The following SGIP1 variants were observed in gnomAD, a reference collection of about 807,000 sequenced individuals.
SGIP1 encodes SH3-containing GRB2-like protein 3-interacting protein 1.
A neutral mutation model predicts 107.5 loss-of-function variants in SGIP1; 38 were observed. The observed-to-expected ratio is 0.35, with a 90% CI of 0.27 to 0.46. The LOEUF (loss-of-function observed/expected upper bound fraction) is 0.46. Ranked by LOEUF, SGIP1 falls within the 20% of genes least tolerant of loss-of-function variation. The pLI, the probability that SGIP1 is intolerant of heterozygous loss-of-function variation, is 1.00. For missense variants in SGIP1, 929 were observed against 1,019.5 expected (o/e 0.91, Z 1.21); for synonymous variants, 365 against 366.1 (o/e 1.00, Z 0.03).
intron 1 of SGIP1, among the ~76,000 whole-genome samples, chr1:66,585,268 A>T (rs1336564364): frequency 6.6e-6 from 1 of 152,118 alleles, no homozygotes. Context: ...TGTTTTTGAC[A>T]GTCCTCTATA....
intron 4 of SGIP1, among the ~76,000 whole-genome samples, chr1:66,636,245 G>A (rs923138282): frequency 3.3e-5 from 5 of 152,158 alleles, no homozygotes; most frequent in Non-Finnish European, 5.9e-5. Flanking sequence ...ACACATAAAA[G>A]ATGTGTGTTA....
At chr1:66,603,672 T>A (rs1291369823) in intron 1 of SGIP1, among the ~76,000 whole-genome samples, 1 of 152,144 alleles carries the variant, frequency 6.6e-6, no homozygotes, top group South Asian at 2.1e-4. Context: ...CTAATTTTTT[T>A]AAGCAAAATG....
intron 9 of SGIP1, 28 bp downstream of exon 9, chr1:66,667,569 A>G: frequency 6.2e-7 from 1 of 1,612,244 alleles, no homozygotes; most frequent in Non-Finnish European, 8.5e-7. Flanking sequence ...TTTTACCTTA[A>G]ACATGTATAG....
At chr1:66,660,904 T>C (rs2081335350) in intron 8 of SGIP1, among the ~76,000 whole-genome samples, 2 of 152,226 alleles carry the variant, frequency 1.3e-5, no homozygotes, top group Admixed American at 1.3e-4. Flanking sequence ...TTGATTAGCG[T>C]ACAACATAGT....
chr1:66,736,837 A>G (rs2094280293), intron 21 of SGIP1, among the ~76,000 whole-genome samples: 1 of 152,050 alleles, frequency 6.6e-6, no homozygotes, highest in Admixed American at 6.6e-5. Context: ...TTTGGAAAAC[A>G]TTTATTTAAA....
intron 1 of SGIP1, among the ~76,000 whole-genome samples, chr1:66,595,010 G>A (rs2064345810): frequency 1.3e-5 from 2 of 152,188 alleles, no homozygotes; most frequent in East Asian, 1.9e-4. Context: ...TCAGGAGATT[G>A]TAATGAAGGA....
intron 18 of SGIP1, among the ~76,000 whole-genome samples, chr1:66,710,127 T>C (rs961040691): frequency 6.6e-6 from 1 of 152,072 alleles, no homozygotes; most frequent in Non-Finnish European, 1.5e-5. Context: ...ATTCTAAACA[T>C]TTTTGAAAAG....
At chr1:66,569,266 A>G (rs1183040789) in intron 1 of SGIP1, among the ~76,000 whole-genome samples, 1 of 151,914 alleles carries the variant, frequency 6.6e-6, no homozygotes, top group Non-Finnish European at 1.5e-5. Flanking sequence ...CAATGTTGAA[A>G]GGGAGTAGTG....
intron 1 of SGIP1, among the ~76,000 whole-genome samples, chr1:66,575,916 G>C (rs566197113): frequency 6.6e-6 from 1 of 152,254 alleles, no homozygotes; most frequent in South Asian, 2.1e-4. Flanking sequence ...ACAGATCCAG[G>C]CTTCAGTAGC....
At chr1:66,711,878 G>A (rs1277442344) in intron 18 of SGIP1, among the ~76,000 whole-genome samples, 1 of 152,170 alleles carries the variant, frequency 6.6e-6, no homozygotes, top group East Asian at 1.9e-4. Flanking sequence ...CATTAGTGGT[G>A]CAGATCCTTC....
At chr1:66,585,266 A>G (rs1328494494) in intron 1 of SGIP1, among the ~76,000 whole-genome samples, 1 of 152,052 alleles carries the variant, frequency 6.6e-6, no homozygotes, top group Non-Finnish European at 1.5e-5. Flanking sequence ...ATTGTTTTTG[A>G]CAGTCCTCTA....
At chr1:66,552,768 C>A (rs1461023807) in intron 1 of SGIP1, among the ~76,000 whole-genome samples, 2 of 152,040 alleles carry the variant, frequency 1.3e-5, no homozygotes, top group Admixed American at 6.6e-5. Flanking sequence ...AATAATTGCT[C>A]GCCTAATTAA....
At chr1:66,669,007 G>GT (rs1397965880) in intron 9 of SGIP1, among the ~76,000 whole-genome samples, 1 of 152,200 alleles carries the variant, frequency 6.6e-6, no homozygotes, top group Non-Finnish European at 1.5e-5. Flanking sequence ...TCAGAGATCT[G>GT]TATGCCCATC....
rs546104408 is a variant in SGIP1 at position 66,744,382 on chromosome 1, G to A, written c.*1287G>A. ...AACTGTAATTATTCAATCTGGCCCTGCCATATGAACATTTAGAAAGACAAA... is the reference window on the plus strand; with the variant it reads ...AACTGTAATTATTCAATCTGGCCCTACCATATGAACATTTAGAAAGACAAA... On this transcript the variant is annotated 3_prime_UTR_variant, in exon 25 of 25. Transcript: ENST00000371037. The A allele has an allele frequency of 6.6e-6, 1 of 152,190 alleles. No individual in the cohort carries two copies. Among genetic ancestry groups the A allele is most frequent in the African/African-American group, 2.4e-5 (1 of 41,558 alleles). 9.4% of individuals were successfully genotyped at this position (152,190 alleles called of 1,614,324 possible).
chr1:66,619,050 G>A (rs1006179201), intron 1 of SGIP1, among the ~76,000 whole-genome samples: 1 of 152,090 alleles, frequency 6.6e-6, no homozygotes, highest in African/African-American at 2.4e-5. Flanking sequence ...TATTAACTGG[G>A]TTCTACATAT....
At chr1:66,711,627 C>T (rs1037501551) in intron 18 of SGIP1, among the ~76,000 whole-genome samples, 1 of 152,126 alleles carries the variant, frequency 6.6e-6, no homozygotes, top group Non-Finnish European at 1.5e-5. Flanking sequence ...TCTGATGTCT[C>T]CATCTGTTGG....
rs139771178 is a variant in SGIP1, at chr1:66,596,159, G to A, written c.11-29688G>A. 1.7e-3 allele frequency among the ~76,000 whole-genome samples: 253 copies of A among 152,342 alleles called. 1 individual carries two copies. The highest frequency in any genetic ancestry group is 3.2e-3 in the African/African-American group (134 of 41,576). On this transcript the variant is annotated intron_variant, in intron 1 of 24. Transcript: ENST00000371037. ...TCAGTCACTTTGCAAGGCAGCTGGC[G>A]TGCCCCAGCTAACCAATGTTATAGC...
intron 1 of SGIP1, among the ~76,000 whole-genome samples, chr1:66,561,803 A>G (rs976364375): frequency 3.9e-4 from 60 of 152,070 alleles, no homozygotes; most frequent in African/African-American, 1.4e-3. Flanking sequence ...CTTTTATTCA[A>G]ATGGAATATT....
At chr1:66,595,563 A>G (rs2064485183) in intron 1 of SGIP1, among the ~76,000 whole-genome samples, 1 of 152,226 alleles carries the variant, frequency 6.6e-6, no homozygotes, top group African/African-American at 2.4e-5. Context: ...AGATAAAGAT[A>G]AAAGTTATAT....
Sources: gnomAD v4.1 joint callset for allele counts (sites outside exome capture counted in the v4.1 genomes callset) on GRCh38, gnomAD v4.1.1 for gene constraint, MANE v1.5 for transcripts, NCBI Gene and HGNC (gene_info 2026-07-23, HGNC 2026-07-21) for gene names.